Variants in CORIN observed in about 807,000 individuals in gnomAD.
CORIN encodes the protein corin, serine peptidase.
A neutral mutation model predicts 125.3 loss-of-function variants in CORIN; 117 were observed. The observed-to-expected ratio is 0.93, with a 90% CI of 0.80 to 1.09. The LOEUF is 1.09. CORIN is among the 50% of genes least tolerant of loss of function. The pLI is 0.00. For missense variants in CORIN, 1,253 were observed against 1,306.7 expected (o/e 0.96, Z 0.63); for synonymous variants, 450 against 466.4 (o/e 0.96, Z 0.45).
At chr4:47,833,617 G>T (rs76583360) in intron 1 of CORIN, among the ~76,000 whole-genome samples, 3,892 of 151,084 alleles carry the variant, frequency 0.026, 71 homozygotes, top group Middle Eastern at 0.083. Flanking sequence ...AAATGAAAAG[G>T]CAATCTATAA....
At chr4:47,792,810 C>G (rs2109928705) in intron 2 of CORIN, among the ~76,000 whole-genome samples, 1 of 152,332 alleles carries the variant, frequency 6.6e-6, no homozygotes. Flanking sequence ...CACAAAGGCT[C>G]AAGATGGTGG....
At chr4:47,791,727 G>A (rs1307566061) in intron 2 of CORIN, among the ~76,000 whole-genome samples, 1 of 152,122 alleles carries the variant, frequency 6.6e-6, no homozygotes, top group East Asian at 1.9e-4. Context: ...CAACCATTAT[G>A]TGCTTGCAGA....
chr4:47,688,980 T>C (rs1725647843), intron 6 of CORIN, among the ~76,000 whole-genome samples: 1 of 152,216 alleles, frequency 6.6e-6, no homozygotes, highest in Non-Finnish European at 1.5e-5. Context: ...GAATATCAAT[T>C]TTTATTTTGT....
intron 5 of CORIN, among the ~76,000 whole-genome samples, chr4:47,712,348 T>C (rs1726884768): frequency 6.6e-6 from 1 of 152,202 alleles, no homozygotes; most frequent in African/African-American, 2.4e-5. Flanking sequence ...AGTGGGACAC[T>C]CTCCACTCAC....
intron 12 of CORIN, among the ~76,000 whole-genome samples, chr4:47,657,036 C>G (rs1248896329): frequency 6.6e-6 from 1 of 151,724 alleles, no homozygotes; most frequent in Non-Finnish European, 1.5e-5. Flanking sequence ...TTTACAAAAG[C>G]CACAAATAAA....
At position 47,763,426 on chromosome 4, in the gene CORIN, A is replaced by T. The variant is rs1729562399; in HGVS notation, c.570T>A (p.Phe190Leu). ...ACTCAGGGAAGGCGAGGGTACAGCC[A>T]AACAGCATGATATGTTGATAGCAAC... ...RLSCYQHIMLFGCTLAFPECI... is the reference protein window; with the variant it reads ...RLSCYQHIMLLGCTLAFPECI... The change falls in exon 4 of 22, where the codon TTT becomes TTA. Residue 190 changes from phenylalanine (F) to leucine (L), a missense_variant. Transcript: ENST00000273857. 1 of 1,614,154 alleles carries T rather than the reference A, an allele frequency of 6.2e-7. No individual in the cohort carries two copies. Among genetic ancestry groups the T allele is most frequent in the African/African-American group, 1.3e-5 (1 of 75,056 alleles).
At chr4:47,772,355 G>A (rs921602401) in intron 3 of CORIN, among the ~76,000 whole-genome samples, 1 of 152,190 alleles carries the variant, frequency 6.6e-6, no homozygotes, top group Non-Finnish European at 1.5e-5. Flanking sequence ...TTGGCGTGAA[G>A]GTAGCGGATT....
At chr4:47,822,200 CAT>C (rs1459561015) in intron 1 of CORIN, among the ~76,000 whole-genome samples, 9 of 152,124 alleles carry the variant, frequency 5.9e-5, no homozygotes, top group South Asian at 2.1e-4. Flanking sequence ...TTAAAACACA[CAT>C]GTTTACAGAA....
At chr4:47,672,187 A>G (rs991833727) in intron 10 of CORIN, among the ~76,000 whole-genome samples, 2 of 152,212 alleles carry the variant, frequency 1.3e-5, no homozygotes, top group African/African-American at 4.8e-5. Context: ...CTCCACCACT[A>G]GAAAGCCCAG....
intron 6 of CORIN, among the ~76,000 whole-genome samples, chr4:47,687,052 G>C (rs1725552311): frequency 6.6e-6 from 1 of 152,116 alleles, no homozygotes; most frequent in African/African-American, 2.4e-5. Context: ...AGAGGATTCA[G>C]GCATTTTTTA....
At chr4:47,602,969 C>G (rs1721502601) in intron 20 of CORIN, among the ~76,000 whole-genome samples, 1 of 152,058 alleles carries the variant, frequency 6.6e-6, no homozygotes, top group Non-Finnish European at 1.5e-5. Flanking sequence ...AGAAATCCTC[C>G]CACCTCAGCC....
intron 5 of CORIN, among the ~76,000 whole-genome samples, chr4:47,725,255 T>C (rs1322462838): frequency 6.6e-6 from 1 of 152,110 alleles, no homozygotes; most frequent in African/African-American, 2.4e-5. Flanking sequence ...ACTTTTTTTT[T>C]TGTAGACATA....
intron 2 of CORIN, among the ~76,000 whole-genome samples, chr4:47,789,640 G>C (rs1239021377): frequency 6.6e-6 from 1 of 152,040 alleles, no homozygotes; most frequent in South Asian, 2.1e-4. Flanking sequence ...CTCCCAACAC[G>C]GTTGTCTACT....
intron 19 of CORIN, among the ~76,000 whole-genome samples, chr4:47,612,327 T>C (rs1250002530): frequency 1.3e-5 from 2 of 152,182 alleles, no homozygotes; most frequent in Non-Finnish European, 2.9e-5. Flanking sequence ...TGTTGTCATG[T>C]TGGAATGCTC....
At chr4:47,653,734 G>C in intron 12 of CORIN, 74 bp from the exon 13 acceptor site, 3 of 1,324,674 alleles carry the variant, frequency 2.3e-6, no homozygotes, top group Non-Finnish European at 3.2e-6. Flanking sequence ...TTACATGTAG[G>C]ATGTTGTCAA....
At chr4:47,834,287 A>C (rs1202322501) in intron 1 of CORIN, among the ~76,000 whole-genome samples, 1 of 152,160 alleles carries the variant, frequency 6.6e-6, no homozygotes, top group Non-Finnish European at 1.5e-5. Flanking sequence ...AAAGAAACAA[A>C]TCCTACCATT....
At chr4:47,725,325 T>C (rs190940496) in intron 5 of CORIN, among the ~76,000 whole-genome samples, 18 of 152,186 alleles carry the variant, frequency 1.2e-4, no homozygotes, top group Non-Finnish European at 2.2e-4. Context: ...AAAATAAATG[T>C]TGAGACATAA....
At chr4:47,686,283 G>C (rs1560505240) in intron 6 of CORIN, among the ~76,000 whole-genome samples, 1 of 151,842 alleles carries the variant, frequency 6.6e-6, no homozygotes, top group South Asian at 2.1e-4. Flanking sequence ...TATGTGCACA[G>C]ACACACACAC....
intron 4 of CORIN, among the ~76,000 whole-genome samples, chr4:47,758,787 G>A (rs763739961): frequency 1.1e-4 from 16 of 152,106 alleles, no homozygotes; most frequent in South Asian, 2.1e-4. Context: ...ATTTTGCTCC[G>A]CACTTCTCCT....
Sources: allele counts gnomAD v4.1 joint callset (sites outside exome capture counted in the v4.1 genomes callset), GRCh38; gene constraint gnomAD v4.1.1; transcripts MANE v1.5; gene names NCBI Gene and HGNC (gene_info 2026-07-23, HGNC 2026-07-21).